Variants in TTC39B observed in about 807,000 individuals in gnomAD.
TTC39B encodes the protein tetratricopeptide repeat domain 39B.
A neutral mutation model predicts 96.6 loss-of-function variants in TTC39B; 92 were observed. That is an observed-to-expected ratio of 0.95 (90% CI 0.80 to 1.13). The LOEUF (loss-of-function observed/expected upper bound fraction) is 1.13, where lower values mean the gene tolerates loss of function less well. Among genes scored for constraint, TTC39B ranks in the 50% most tolerant of loss-of-function variants. The pLI, the probability that TTC39B is intolerant of heterozygous loss-of-function variation, is 0.00. For missense variants in TTC39B, 955 were observed against 809.3 expected, an observed-to-expected ratio of 1.18 and a Z score of -2.18; for synonymous variants, 367 against 299.4, an observed-to-expected ratio of 1.23 and a Z score of -2.33.
intron 1 of TTC39B, among the ~76,000 whole-genome samples, chr9:15,287,945 C>CAAAAA (rs762069142): frequency 1.3e-4 from 9 of 68,966 alleles, no homozygotes; most frequent in East Asian, 4.6e-4. Flanking sequence ...GACTCCATCT[C>CAAAAA]AAAAAAAAAA....
At chr9:15,217,455 AC>A (rs1312550451) in intron 3 of TTC39B, among the ~76,000 whole-genome samples, 1 of 151,922 alleles carries the variant, frequency 6.6e-6, no homozygotes, top group East Asian at 1.9e-4. Context: ...GAGCACATAA[AC>A]TCAGCTCTTC....
chr9:15,199,895 C>T, exon 8 of TTC39B: 2 of 1,542,948 alleles, frequency 1.3e-6, no homozygotes, highest in South Asian at 1.2e-5. Context: ...ATTTTGAGTC[C>T]ACCTTTGATG....
chr9:15,201,382 C>T (rs1053187448), intron 7 of TTC39B, among the ~76,000 whole-genome samples: 2 of 152,014 alleles, frequency 1.3e-5, no homozygotes, highest in South Asian at 2.1e-4. Flanking sequence ...TAAGGGAGGG[C>T]GTCAAGCACG....
intron 2 of TTC39B, among the ~76,000 whole-genome samples, chr9:15,230,204 G>A (rs1321405730): frequency 6.6e-6 from 1 of 152,022 alleles, no homozygotes; most frequent in Admixed American, 6.6e-5. Context: ...CTATTTTAAC[G>A]GCTCTAACTT....
intron 1 of TTC39B, among the ~76,000 whole-genome samples, chr9:15,284,761 C>T (rs1203124078): frequency 1.3e-5 from 2 of 151,976 alleles, no homozygotes; most frequent in African/African-American, 4.8e-5. Flanking sequence ...ATAGTAAAGG[C>T]AAAAATCATG....
chr9:15,293,474 G>A (rs531597334), intron 1 of TTC39B, among the ~76,000 whole-genome samples: 2 of 152,288 alleles, frequency 1.3e-5, no homozygotes, highest in South Asian at 2.1e-4. Context: ...CCACCTTTTA[G>A]GAAATTGGGC....
At chr9:15,232,907 G>A (rs574841078) in intron 2 of TTC39B, among the ~76,000 whole-genome samples, 3 of 152,282 alleles carry the variant, frequency 2.0e-5, no homozygotes, top group East Asian at 3.9e-4. Flanking sequence ...CAGTGGTGCC[G>A]GGAGACGACG....
At chr9:15,293,381 C>G (rs578194) in intron 1 of TTC39B, among the ~76,000 whole-genome samples, 135,995 of 152,262 alleles carry the variant, frequency 0.89, 60,797 homozygotes, top group East Asian at 0.97. Flanking sequence ...TGGAGGTGGG[C>G]TGGTACCTGA....
At chr9:15,218,987 T>C (rs1820689007) in intron 3 of TTC39B, among the ~76,000 whole-genome samples, 1 of 152,190 alleles carries the variant, frequency 6.6e-6, no homozygotes, top group Admixed American at 6.5e-5. Context: ...GACAGGGAAA[T>C]AACTGGTGAC....
chr9:15,268,810 A>G (rs1823231282), intron 1 of TTC39B, among the ~76,000 whole-genome samples: 1 of 152,184 alleles, frequency 6.6e-6, no homozygotes, highest in South Asian at 2.1e-4. Flanking sequence ...AATTCTTCAC[A>G]TGACAACAAT....
chr9:15,267,565 A>C (rs1194544971), intron 2 of TTC39B, among the ~76,000 whole-genome samples: 1 of 152,238 alleles, frequency 6.6e-6, no homozygotes, highest in Admixed American at 6.5e-5. Flanking sequence ...ATATAGGCTT[A>C]CAGTGAATGC....
intron 2 of TTC39B, among the ~76,000 whole-genome samples, chr9:15,247,547 G>A (rs1184771166): frequency 6.6e-6 from 1 of 152,088 alleles, no homozygotes; most frequent in Non-Finnish European, 1.5e-5. Flanking sequence ...ACAGCATTCT[G>A]GACCTAAAAT....
At chr9:15,196,333 TG>T (rs1219616521) in intron 8 of TTC39B, among the ~76,000 whole-genome samples, 2 of 152,224 alleles carry the variant, frequency 1.3e-5, no homozygotes, top group Non-Finnish European at 2.9e-5. Context: ...ATTCCTCTAA[TG>T]GATCCAGGGA....
chr9:15,290,882 G>A (rs1178953524), intron 1 of TTC39B, among the ~76,000 whole-genome samples: 2 of 152,158 alleles, frequency 1.3e-5, no homozygotes, highest in Non-Finnish European at 2.9e-5. Flanking sequence ...CTCCTTCCCA[G>A]GCGTATCCTC....
intron 1 of TTC39B, among the ~76,000 whole-genome samples, chr9:15,291,889 G>A (rs1041346681): frequency 6.6e-6 from 1 of 152,206 alleles, no homozygotes. Context: ...GCCACTTGCT[G>A]CCAATGTGCC....
intron 5 of TTC39B, among the ~76,000 whole-genome samples, chr9:15,210,787 C>T (rs778069373): frequency 2.0e-5 from 3 of 151,420 alleles, no homozygotes; most frequent in Non-Finnish European, 2.9e-5. Flanking sequence ...AATAACTTAC[C>T]CCTTGAAAAA....
At chr9:15,234,750 A>G (rs1426582223) in intron 2 of TTC39B, among the ~76,000 whole-genome samples, 2 of 151,674 alleles carry the variant, frequency 1.3e-5, no homozygotes, top group Non-Finnish European at 2.9e-5. Flanking sequence ...GTGCTCTCTG[A>G]AACATGTGCT....
intron 2 of TTC39B, among the ~76,000 whole-genome samples, chr9:15,235,643 G>A (rs1821743781): frequency 6.6e-6 from 1 of 152,102 alleles, no homozygotes; most frequent in Admixed American, 6.5e-5. Flanking sequence ...AACCAGAAGA[G>A]ATTGGGGTCT....
At chr9:15,220,025 G>A (rs549234052) in intron 3 of TTC39B, among the ~76,000 whole-genome samples, 4 of 152,274 alleles carry the variant, frequency 2.6e-5, no homozygotes, top group South Asian at 4.1e-4. Flanking sequence ...TCTGACTCTT[G>A]CATCAATATT....
Sources: allele counts gnomAD v4.1 joint callset (sites outside exome capture counted in the v4.1 genomes callset), GRCh38; gene constraint gnomAD v4.1.1; transcripts MANE v1.5; gene names NCBI Gene and HGNC (gene_info 2026-07-23, HGNC 2026-07-21).